ARHGAP4: variants seen among roughly 807,000 people sequenced by gnomAD.
The protein encoded by ARHGAP4 is Rho GTPase activating protein 4.
A neutral mutation model predicts 67.6 loss-of-function variants in ARHGAP4; 25 were observed. The ratio of observed to expected loss-of-function variants is 0.37; its 90% CI spans 0.27 to 0.52. The LOEUF (loss-of-function observed/expected upper bound fraction) is 0.52, where lower values mean the gene tolerates loss of function less well. Ranked by LOEUF, ARHGAP4 falls within the 20% of genes least tolerant of loss-of-function variation. The pLI, the probability that ARHGAP4 is intolerant of heterozygous loss-of-function variation, is 0.92. For missense variants in ARHGAP4, 804 were observed against 854.6 expected (o/e 0.94, Z 0.74); for synonymous variants, 448 against 373.7 (o/e 1.20, Z -2.29).
intron 12 of ARHGAP4, among the ~76,000 whole-genome samples, chrX:153,911,505 T>A (rs7881421): frequency 0.4 from 44,517 of 110,596 alleles, 7,905 homozygotes; most frequent in South Asian, 0.68. Context: ...CACTCGTAGG[T>A]GTCTGATATT....
rs782712321 is a variant in ARHGAP4 at position 153,920,714 on chromosome X, C to T, written c.593G>A (p.Arg198Gln). The change falls in exon 5 of 22, where the codon CGG (arginine) becomes CAG (glutamine). Residue 198 changes from arginine (R) to glutamine (Q), a missense_variant. Arg to Gln is a conservative substitution (Grantham distance 43). This residue lies in a region of ARHGAP4 where 404 missense variants were observed against 505.9 expected (regional missense o/e 0.80). Coordinates refer to ENST00000350060, the MANE Select transcript of ARHGAP4 (RefSeq NM_001666.5). ...ACCAGCGGTGGTGGTGGGGACACTC[C>T]GGCCTGCCCGCTTCTCCTCCTGCCG... The part of the protein sequence containing the change: ...AERQEEKRAG[R>Q]SVPTTTAGAT... 1.5e-5 allele frequency: 18 copies of T among 1,210,668 alleles called. No homozygotes were observed. Among genetic ancestry groups the T allele is most frequent in the Non-Finnish European group, 1.9e-5 (17 of 895,360 alleles).
Position 153,907,689 on chromosome X carries a change from C to T in ARHGAP4, c.*40G>A, listed in dbSNP as rs373204313. ...GGGCTGGGGAGAGTGGCCGGTCCAG[C>T]GGGTAGCCGCCGGGGGCACGCATCT... On this transcript the variant is annotated 3_prime_UTR_variant, in exon 22 of 22. Transcript: ENST00000350060. 22 of 765,370 alleles carry T rather than the reference C, an allele frequency of 2.9e-5. No individual in the cohort carries two copies. The highest frequency in any genetic ancestry group is 6.5e-5 in the African/African-American group (3 of 46,211). The allele number at this position is 765,370 out of a possible 1,213,427, so 63.1% of individuals were successfully genotyped here.
intron 7 of ARHGAP4, among the ~76,000 whole-genome samples, chrX:153,915,470 C>T (rs1450459241): frequency 3.6e-5 from 4 of 111,253 alleles, no homozygotes; most frequent in Non-Finnish European, 5.7e-5. Flanking sequence ...TTTGGGAGGC[C>T]GAGGCGGGTG....
In ARHGAP4 at chrX:153,919,512, G is replaced by A. The variant is rs1050147516; in HGVS notation, c.682-229C>T. ...GTTCACCCGCCACTTGCCTTGGTTC[G>A]AGCCACAACATTCCCCACAGAAGTG... On this transcript the variant is annotated intron_variant, in intron 5 of 21. Coordinates refer to ENST00000350060, the MANE Select transcript of ARHGAP4 (RefSeq NM_001666.5). 2.6e-5 allele frequency: 29 copies of A among 1,133,739 alleles called. No individual in the cohort carries two copies. In the African/African-American group the frequency reaches 3.5e-4, roughly 13 times the overall value. 93.4% of individuals were successfully genotyped at this position (1,133,739 alleles called of 1,213,427 possible).
At position 153,911,133 on chromosome X, in the gene ARHGAP4, G is replaced by A. The variant is rs1557103195; in HGVS notation, c.1599C>T (p.Leu533=). 8 of 1,170,564 alleles carry A rather than the reference G, an allele frequency of 6.8e-6. No individual in the cohort carries two copies. The highest frequency in any genetic ancestry group is 9.2e-6 in the Non-Finnish European group (8 of 874,226). ...VVESCIRFIN[L]NGLQHEGIFR... is the part of the protein sequence containing the mutation. ...GAGGGGCTGGGTCCTGCTTACCATT[G>A]AGGTTGATGAAGCGAATGCAGCTCT... Residue 533 remains leucine (L), a synonymous_variant, in exon 13 of 22, where the codon CTC becomes CTT. Coordinates refer to ENST00000350060, the MANE Select transcript of ARHGAP4 (RefSeq NM_001666.5).
chrX:153,913,122 T>C (rs1603285380), intron 10 of ARHGAP4, 71 bp from the exon 11 acceptor site: 1 of 1,161,629 alleles, frequency 8.6e-7, no homozygotes, highest in East Asian at 3.2e-5. Flanking sequence ...GAGAAAGGTG[T>C]GGATAAGAGC....
chrX:153,925,904 G>A (rs1341203298), intron 1 of ARHGAP4, among the ~76,000 whole-genome samples: 1 of 113,109 alleles, frequency 8.8e-6, no homozygotes, highest in Non-Finnish European at 1.9e-5. Flanking sequence ...ACCCAAGGAG[G>A]ACAGAGACCA....
intron 7 of ARHGAP4, among the ~76,000 whole-genome samples, chrX:153,914,433 CGCCTCTAAT>C (rs2065041460): frequency 1.8e-5 from 2 of 112,739 alleles, no homozygotes; most frequent in African/African-American, 6.4e-5. Flanking sequence ...CAGTGGCTCA[CGCCTCTAAT>C]CCAAGCACTT....
chrX:153,913,637 G>C (rs2065036579), intron 8 of ARHGAP4, 37 bp from the exon 9 acceptor site: 1 of 1,180,126 alleles, frequency 8.5e-7, no homozygotes, highest in African/African-American at 1.7e-5. Context: ...TAAGAGGTGG[G>C]GGACAGGGAG....
At chrX:153,912,958 G>A (rs1557103606) in intron 11 of ARHGAP4, 66 bp downstream of exon 11, 8 of 1,164,330 alleles carry the variant, frequency 6.9e-6, no homozygotes, top group African/African-American at 1.8e-5. Context: ...GGGCAGCTGA[G>A]CTGGGCCCCA....
chrX:153,922,583 C>T (rs2065103406), intron 1 of ARHGAP4: 3 of 254,235 alleles, frequency 1.2e-5, no homozygotes, highest in Non-Finnish European at 1.6e-5. Flanking sequence ...CCCACACAGG[C>T]CTGAAGCAAA....
In ARHGAP4 at chrX:153,918,976, G is replaced by C. The variant is rs2148525226; in HGVS notation, c.888C>G (p.Ala296=). 8.2e-7 allele frequency: 1 copy of C among 1,212,225 alleles called. No individual in the cohort carries two copies. The highest frequency in any genetic ancestry group is 3.0e-5 in the East Asian group (1 of 33,848). Residue 296 remains alanine, a synonymous_variant, in exon 7 of 22, where the codon GCC becomes GCG. Coordinates refer to ENST00000350060, the MANE Select transcript of ARHGAP4 (RefSeq NM_001666.5). ...GGCTGCCCAGGCCCTGCACTTGGGAGGCTTGGGTGCGGCTCTCAGCGGCCG... is the reference window on the plus strand; with the variant it reads ...GGCTGCCCAGGCCCTGCACTTGGGACGCTTGGGTGCGGCTCTCAGCGGCCG... ...SYTAAESRTQ[A]SQVQGLGSLE... is the part of the protein sequence containing the mutation.
At chrX:153,925,584 C>T (rs781889873) in intron 1 of ARHGAP4, among the ~76,000 whole-genome samples, 1 of 112,693 alleles carries the variant, frequency 8.9e-6, no homozygotes, top group South Asian at 3.6e-4. Context: ...AGAAGCCAGC[C>T]CTGTTAAATC....
At position 153,909,443 on chromosome X, in the gene ARHGAP4, C is replaced by T. The variant is rs782430569; in HGVS notation, c.2507G>A (p.Arg836Gln). ...EGLLASELVH[R>Q]PEPCTSPEAM... is the part of the protein sequence containing the mutation. ...CCCTGAGCCCCGTCTTCTTGCTCAC[C>T]GGTGGACCAGCTCCGATGCCAGGAG... Residue 836 changes from arginine (R) to glutamine (Q), a missense_variant and splice_region_variant, in exon 20 of 22, where the codon CGG (arginine) becomes CAG (glutamine). Coordinates refer to ENST00000350060, the MANE Select transcript of ARHGAP4 (RefSeq NM_001666.5). 2.2e-5 allele frequency: 26 copies of T among 1,194,590 alleles called. No individual in the cohort carries two copies. Among genetic ancestry groups the T allele is most frequent in the East Asian group, 8.9e-5 (3 of 33,650 alleles).
At chrX:153,910,476 C>T (rs782563050) in intron 16 of ARHGAP4, 30 bp downstream of exon 16, 2 of 1,177,722 alleles carry the variant, frequency 1.7e-6, no homozygotes, top group East Asian at 6.1e-5. Context: ...CCCCTGGCCC[C>T]CACCCCAGCA....
At position 153,909,764 on chromosome X, in the gene ARHGAP4, G is replaced by C. The variant is rs1557102325; in HGVS notation, c.2391C>G (p.His797Gln). The C allele has an allele frequency of 1.7e-6, 2 of 1,199,469 alleles. No homozygotes were observed. Among genetic ancestry groups the C allele is most frequent in the Admixed American group, 2.2e-5 (1 of 44,849 alleles). ...EHNGMRGLIP[H>Q]KYITLPAGTE... Reference sequence around the variant, plus strand: ...ACCCGGCGGGCAGCGTGATATACTTGTGGGGGATGAGGCCCCGCATGCCGT... The same window carrying C: ...ACCCGGCGGGCAGCGTGATATACTTCTGGGGGATGAGGCCCCGCATGCCGT... The change falls in exon 19 of 22, where the codon CAC (histidine) becomes CAG (glutamine). Residue 797 changes from histidine to glutamine, a missense_variant. By Grantham distance (24) the His-to-Gln change is conservative. Coordinates refer to ENST00000350060, the MANE Select transcript of ARHGAP4 (RefSeq NM_001666.5).
In ARHGAP4 at chrX:153,912,755, G is replaced by A. The variant is rs201338822; in HGVS notation, c.1487C>T (p.Pro496Leu). Residue 496 changes from proline (P) to leucine (L), a missense_variant, in exon 12 of 22, where the codon CCC becomes CTC. Pro to Leu is a moderately conservative substitution (Grantham distance 98). Coordinates refer to ENST00000350060, the MANE Select transcript of ARHGAP4 (RefSeq NM_001666.5). ...RKFQKSRQPRPSSQYNQRLFG... is the reference protein window; with the variant it reads ...RKFQKSRQPRLSSQYNQRLFG... Reference sequence around the variant, plus strand: ...GAGTCTCTGGTTATACTGGGAGCTGGGGCGGGGCTGGCGGCTCTTCTGGAA... The same window carrying A: ...GAGTCTCTGGTTATACTGGGAGCTGAGGCGGGGCTGGCGGCTCTTCTGGAA... 5.4e-5 allele frequency: 65 copies of A among 1,210,437 alleles called. No homozygotes were observed. Among genetic ancestry groups the A allele is most frequent in the Non-Finnish European group, 6.9e-5 (62 of 895,108 alleles).
chrX:153,917,360 A>G (rs2148524123), intron 7 of ARHGAP4, among the ~76,000 whole-genome samples: 1 of 112,111 alleles, frequency 8.9e-6, no homozygotes, highest in Non-Finnish European at 1.9e-5. Context: ...CAGTGGGTCA[A>G]GATCGTGCCA....
rs145727816 is a variant in ARHGAP4, at chrX:153,918,932, G to A, written c.932C>T (p.Ala311Val). 3.2e-3 allele frequency: 3,919 copies of A among 1,210,734 alleles called. 4 individuals carry two copies. Among genetic ancestry groups the A allele is most frequent in the Non-Finnish European group, 4.2e-3 (3,718 of 895,255 alleles). Residue 311 changes from alanine to valine, a missense_variant, in exon 7 of 22, where the codon GCC (alanine) becomes GTC (valine). Around this residue, in one of 2 missense-constraint regions of ARHGAP4, gnomAD observed 404 missense variants for 505.9 expected, o/e 0.80. Coordinates refer to ENST00000350060, the MANE Select transcript of ARHGAP4 (RefSeq NM_001666.5). ...GLGSLEEAVE[A>V]LDPPGDKAKV... ...GGCTTTGTCCCCTGGAGGATCCAGG[G>A]CCTCCACAGCTTCTTCCAGGCTGCC...
Sources: gnomAD v4.1 joint callset for allele counts (sites outside exome capture counted in the v4.1 genomes callset) on GRCh38, gnomAD v4.1.1 for gene constraint, gnomAD v4.1.1 regional missense constraint, MANE v1.5 for transcripts, NCBI Gene and HGNC (gene_info 2026-07-23, HGNC 2026-07-21) for gene names.